Variants in LYST observed in about 807,000 individuals in gnomAD.
LYST encodes the protein lysosomal-trafficking regulator.
A neutral mutation model predicts 413.6 loss-of-function variants in LYST; 192 were observed. The observed-to-expected ratio is 0.46, with a 90% CI of 0.41 to 0.52. The LOEUF is 0.52. Among genes scored for constraint, LYST ranks in the 20% least tolerant of loss-of-function variants. LYST has a pLI of 0.00. For missense variants in LYST, 3,815 were observed against 4,499.9 expected (o/e 0.85, Z 4.35); for synonymous variants, 1,525 against 1,567.3 (o/e 0.97, Z 0.64).
intron 29 of LYST, among the ~76,000 whole-genome samples, 156 bp from the exon 30 acceptor site, chr1:235,744,313 T>C (rs1665699056): frequency 6.6e-6 from 1 of 152,186 alleles, no homozygotes; most frequent in South Asian, 2.1e-4. Flanking sequence ...ATAGATACAA[T>C]GTAGTAGAAA....
At chr1:235,782,901 A>G (rs994724298) in intron 14 of LYST, among the ~76,000 whole-genome samples, 1 of 152,158 alleles carries the variant, frequency 6.6e-6, no homozygotes, top group African/African-American at 2.4e-5. Context: ...TGTTTTCTTA[A>G]TGCTAAGTGA....
chr1:235,671,725 G>C (rs1658955678), intron 50 of LYST, among the ~76,000 whole-genome samples: 1 of 152,226 alleles, frequency 6.6e-6, no homozygotes, highest in Admixed American at 6.5e-5. Context: ...GTGATTAAGA[G>C]AGAAGAATAG....
chr1:235,862,806 AACACACACACACAC>A (rs57043954), intron 1 of LYST, among the ~76,000 whole-genome samples: 69 of 121,534 alleles, frequency 5.7e-4, no homozygotes, highest in African/African-American at 2.1e-3. Flanking sequence ...AAAACAAACA[AACACACACACACAC>A]ACACACACAC....
At chr1:235,835,053 G>C (rs920614286) in intron 1 of LYST, among the ~76,000 whole-genome samples, 11 of 151,472 alleles carry the variant, frequency 7.3e-5, no homozygotes, top group African/African-American at 2.7e-4. Context: ...GAGTAGCCGG[G>C]ATTACAGGCG....
At chr1:235,773,798 A>AT in intron 19 of LYST, 44 bp downstream of exon 19, 3 of 1,543,732 alleles carry the variant, frequency 1.9e-6, no homozygotes, top group Non-Finnish European at 1.8e-6. Flanking sequence ...TGTTATATGC[A>AT]TTTTACCACA....
At chr1:235,862,743 C>T (rs1181472065) in intron 1 of LYST, among the ~76,000 whole-genome samples, 1 of 151,514 alleles carries the variant, frequency 6.6e-6, no homozygotes, top group Admixed American at 6.6e-5. Flanking sequence ...TTGCAGTAAG[C>T]TGAGATCACC....
At chr1:235,879,556 C>T (rs1681283874) in intron 1 of LYST, among the ~76,000 whole-genome samples, 1 of 152,216 alleles carries the variant, frequency 6.6e-6, no homozygotes, top group Admixed American at 6.5e-5. Context: ...ACTCCAGATA[C>T]ATAGTCTGTT....
chr1:235,756,061 CTGTATCTATA>C (rs1558195698), intron 24 of LYST, among the ~76,000 whole-genome samples: 16 of 136,772 alleles, frequency 1.2e-4, no homozygotes, highest in African/African-American at 4.6e-4. Flanking sequence ...ATATCTATAT[CTGTATCTATA>C]TCTATCCTAG....
At chr1:235,689,026 T>TAACAACAAC (rs1184158926) in intron 47 of LYST, among the ~76,000 whole-genome samples, 9 of 92,972 alleles carry the variant, frequency 9.7e-5, no homozygotes, top group South Asian at 5.5e-4. Context: ...ATAATAATAA[T>TAACAACAAC]AACAACAACA....
intron 20 of LYST, 96 bp downstream of exon 20, chr1:235,770,064 A>C: frequency 8.8e-7 from 1 of 1,136,172 alleles, no homozygotes; most frequent in Admixed American, 2.0e-5. Context: ...AAAAAGAAAA[A>C]AAGTCCCATT....
chr1:235,794,506 T>C (rs1320176732), intron 10 of LYST, among the ~76,000 whole-genome samples: 1 of 152,186 alleles, frequency 6.6e-6, no homozygotes, highest in East Asian at 1.9e-4. Flanking sequence ...TATTTTTACA[T>C]GCTTTATTTC....
At chr1:235,799,533 G>A (rs1483978842) in intron 10 of LYST, among the ~76,000 whole-genome samples, 1 of 152,058 alleles carries the variant, frequency 6.6e-6, no homozygotes, top group East Asian at 1.9e-4. Context: ...TGACAAAAAC[G>A]TATAACCTGA....
At chr1:235,794,603 T>C (rs1340506942) in intron 10 of LYST, among the ~76,000 whole-genome samples, 2 of 152,162 alleles carry the variant, frequency 1.3e-5, no homozygotes, top group Non-Finnish European at 2.9e-5. Context: ...ATTTAAAACC[T>C]GAGATAAGTT....
intron 49 of LYST, 85 bp from the exon 50 acceptor site, chr1:235,677,273 G>T: frequency 8.7e-7 from 1 of 1,147,340 alleles, no homozygotes; most frequent in Non-Finnish European, 1.3e-6. Flanking sequence ...CTCAGTCTAT[G>T]TACCTATTGT....
chr1:235,720,853 A>G lies in LYST; in HGVS notation c.9368T>C (p.Leu3123Pro), dbSNP rs775565931. The change falls in exon 40 of 53, where the codon CTG becomes CCG. Residue 3123 changes from leucine (L) to proline (P), a missense_variant. Coordinates refer to ENST00000389793, the MANE Select transcript of LYST (RefSeq NM_000081.4). ...CAGAGCGGTGATGTTACCATATTCC[A>G]GAAGATTAGGGAGGTTATTTGTGAG... ...NILTNNLPNL[L>P]EYGNITALTN... is the part of the protein sequence containing the mutation. The G allele has an allele frequency of 3.1e-6, 5 of 1,613,620 alleles. No individual in the cohort carries two copies. The highest frequency in any genetic ancestry group is 4.2e-6 in the Non-Finnish European group (5 of 1,179,534).
Position 235,704,139 on chromosome 1 carries a change from C to G in LYST, c.10144-1162G>C, listed in dbSNP as rs538313678. Among the ~76,000 whole-genome samples the G allele has an allele frequency of 1.6e-4, 24 of 152,256 alleles. No homozygotes were observed. In the East Asian group the frequency reaches 4.2e-3, roughly 27 times the overall value. Reference sequence around the variant, plus strand: ...CCATGGTGTATATATACCACATTTTCTTTATCCAATCTGTCATTGATAGCC... The same window carrying G: ...CCATGGTGTATATATACCACATTTTGTTTATCCAATCTGTCATTGATAGCC... On this transcript the variant is annotated intron_variant, in intron 44 of 52. Coordinates refer to ENST00000389793, the MANE Select transcript of LYST (RefSeq NM_000081.4).
At chr1:235,723,280 G>A (rs1470279492) in intron 39 of LYST, among the ~76,000 whole-genome samples, 1 of 152,234 alleles carries the variant, frequency 6.6e-6, no homozygotes, top group Non-Finnish European at 1.5e-5. Context: ...TCAGTCGGGA[G>A]TTACAATATG....
chr1:235,862,641 C>G (rs1368551828), intron 1 of LYST, among the ~76,000 whole-genome samples: 1 of 151,946 alleles, frequency 6.6e-6, no homozygotes, highest in African/African-American at 2.4e-5. Context: ...ACTAAAATTA[C>G]AAAAATTAGC....
chr1:235,684,799 G>GT lies in LYST; in HGVS notation c.10800+2149dup, dbSNP rs577802552. ...ATGCCTGACCAATTTTTTTATTTTT[G>GT]TTTTTTTTTGGTAGAAATAAGGTCT... On this transcript the variant is annotated intron_variant, in intron 48 of 52. Transcript: ENST00000389793. Among the ~76,000 whole-genome samples, 277 of 149,490 alleles carry GT rather than the reference G, an allele frequency of 1.9e-3. 1 individual carries two copies. Among genetic ancestry groups the GT allele is most frequent in the Non-Finnish European group, 3.3e-3 (225 of 67,200 alleles).
Sources: allele counts gnomAD v4.1 joint callset (sites outside exome capture counted in the v4.1 genomes callset), GRCh38; gene constraint gnomAD v4.1.1; transcripts MANE v1.5; gene names NCBI Gene and HGNC (gene_info 2026-07-23, HGNC 2026-07-21).